The following ZNF557 variants were observed in gnomAD, a reference collection of about 807,000 sequenced individuals.
The protein encoded by ZNF557 is CTB-25J19.9.
In ZNF557, 19 loss-of-function variants were observed where a neutral mutation model predicts 21.2. The observed-to-expected ratio is 0.90, with a 90% CI of 0.63 to 1.32. The LOEUF is 1.32. Ranked by LOEUF, ZNF557 falls within the 40% of genes most tolerant of loss-of-function variation. ZNF557 has a pLI of 0.00. For missense variants in ZNF557, 487 were observed against 519.8 expected (o/e 0.94, Z 0.61); for synonymous variants, 207 against 194.8 (o/e 1.06, Z -0.52).
intron 4 of ZNF557, among the ~76,000 whole-genome samples, 182 bp from the exon 5 acceptor site, chr19:7,076,199 G>C (rs1320846170): frequency 6.6e-6 from 1 of 152,148 alleles, no homozygotes; most frequent in Non-Finnish European, 1.5e-5. Flanking sequence ...AAGGAGACAA[G>C]CATTGAGGGC....
At chr19:7,080,982 C>G (rs1977686576) in intron 5 of ZNF557, among the ~76,000 whole-genome samples, 1 of 152,174 alleles carries the variant, frequency 6.6e-6, no homozygotes, top group African/African-American at 2.4e-5. Flanking sequence ...CCCCCACCCT[C>G]ATGGAGCTGT....
At chr19:7,076,360 G>A (rs747188697) in intron 4 of ZNF557, 21 bp from the exon 5 acceptor site, 43 of 1,614,028 alleles carry the variant, frequency 2.7e-5, no homozygotes, top group East Asian at 6.7e-5. Context: ...TGGCTAAGCC[G>A]TGATGTTTGC....
rs532145017 is a variant in ZNF557, at chr19:7,087,835, A to G, written c.*4091A>G. 61 of 152,150 alleles carry G rather than the reference A, an allele frequency of 4.0e-4. No individual in the cohort carries two copies. The highest frequency in any genetic ancestry group is 1.3e-3 in the African/African-American group (56 of 41,510). 9.4% of individuals were successfully genotyped at this position (152,150 alleles called of 1,614,324 possible). A position where few individuals can be genotyped will look rare whatever the true frequency, so the allele number is the denominator to read the frequency against. ...ATTCTCTGAAAACAGTATACTATGT[A>G]TCTAATTTTTGGATACAGGATGGAC... On this transcript the variant is annotated 3_prime_UTR_variant, in exon 8 of 8. Coordinates refer to ENST00000252840, the MANE Select transcript of ZNF557 (RefSeq NM_024341.3).
chr19:7,070,943 T>C (rs1977445481), intron 2 of ZNF557, among the ~76,000 whole-genome samples: 1 of 152,066 alleles, frequency 6.6e-6, no homozygotes, highest in Non-Finnish European at 1.5e-5. Context: ...TTTTTGTATT[T>C]TTAGTAAAGA....
Position 7,072,465 on chromosome 19 carries a change from G to A in ZNF557, c.-80+1812G>A, listed in dbSNP as rs537326349. 1.5e-3 allele frequency among the ~76,000 whole-genome samples: 232 copies of A among 152,268 alleles called. 7 individuals are homozygous for A. The South Asian group carries it at 0.047, about 31-fold the overall frequency. On this transcript the variant is annotated intron_variant, in intron 2 of 7. Transcript: ENST00000252840. ...ATAAATTTGCTTTAGTCACTCGCCT[G>A]CCTGAAAAGCCTTTGCTGGCTCTCC...
chr19:7,081,352 A>G lies in ZNF557; in HGVS notation c.248-8A>G. On this transcript the variant is annotated splice_polypyrimidine_tract_variant and splice_region_variant and intron_variant, in intron 5 of 7. Coordinates refer to ENST00000252840, the MANE Select transcript of ZNF557 (RefSeq NM_024341.3). ...CCCCTACATCATGTGTCTTTTCTCC[A>G]TGTACAGGGAACCAAGTTGATAAAC... 2 of 1,605,610 alleles carry G rather than the reference A, an allele frequency of 1.2e-6. No homozygotes were observed. Among genetic ancestry groups the G allele is most frequent in the Non-Finnish European group, 1.7e-6 (2 of 1,172,460 alleles).
At chr19:7,074,491 C>T (rs1977533897) in intron 2 of ZNF557, among the ~76,000 whole-genome samples, 1 of 150,964 alleles carries the variant, frequency 6.6e-6, no homozygotes, top group Non-Finnish European at 1.5e-5. Flanking sequence ...TTAATGGGTG[C>T]ACTGTAATGC....
At position 7,083,805 on chromosome 19, in the gene ZNF557, C is replaced by CT; in HGVS notation, c.*62dup. 2 of 1,529,574 alleles carry CT rather than the reference C, an allele frequency of 1.3e-6. No homozygotes were observed. Among genetic ancestry groups the CT allele is most frequent in the Non-Finnish European group, 1.8e-6 (2 of 1,138,184 alleles). The allele number at this position is 1,529,574 out of a possible 1,614,324, so 94.8% of individuals were successfully genotyped here. On this transcript the variant is annotated 3_prime_UTR_variant, in exon 8 of 8. Coordinates refer to ENST00000252840, the MANE Select transcript of ZNF557 (RefSeq NM_024341.3). ...TCATGCCTCAGATAACATGAGCAAACTCTAACAAGATGTATGAATCACCTG... is the reference window on the plus strand; with the variant it reads ...TCATGCCTCAGATAACATGAGCAAACTTCTAACAAGATGTATGAATCACCTG...
intron 5 of ZNF557, among the ~76,000 whole-genome samples, chr19:7,079,152 C>T (rs1977640930): frequency 6.6e-6 from 1 of 151,874 alleles, no homozygotes; most frequent in South Asian, 2.1e-4. Flanking sequence ...GAAGTCGTTG[C>T]CTAATAAATC....
At chr19:7,071,129 T>G (rs1163538917) in intron 2 of ZNF557, among the ~76,000 whole-genome samples, 1 of 152,202 alleles carries the variant, frequency 6.6e-6, no homozygotes, top group Admixed American at 6.5e-5. Flanking sequence ...TGTGTGATAA[T>G]GTGTGTCAAA....
Position 7,083,141 on chromosome 19 carries a change from C to T in ZNF557, c.690C>T (p.His230=), listed in dbSNP as rs1977753495. ...RSYLTVHKRI[H]NGEKPYECSD... ...ACCTTACTGTTCATAAGAGAATCCACAATGGGGAGAAACCCTACGAATGCA... is the reference window on the plus strand; with the variant it reads ...ACCTTACTGTTCATAAGAGAATCCATAATGGGGAGAAACCCTACGAATGCA... The change falls in exon 8 of 8, where the codon CAC becomes CAT. Residue 230 remains histidine (H), a synonymous_variant. Coordinates refer to ENST00000252840, the MANE Select transcript of ZNF557 (RefSeq NM_024341.3). 5 of 1,614,046 alleles carry T rather than the reference C, an allele frequency of 3.1e-6. No individual in the cohort carries two copies. The highest frequency in any genetic ancestry group is 2.7e-5 in the African/African-American group (2 of 74,928).
Position 7,084,078 on chromosome 19 carries a change from C to G in ZNF557, c.*334C>G, listed in dbSNP as rs118095691. On this transcript the variant is annotated 3_prime_UTR_variant, in exon 8 of 8. Coordinates refer to ENST00000252840, the MANE Select transcript of ZNF557 (RefSeq NM_024341.3). Reference sequence around the variant, plus strand: ...GCTAGCTGTTTCCAAGGGAGCTGCGCTTCCAAATCACGTAGGCCTCTCAAC... The same window carrying G: ...GCTAGCTGTTTCCAAGGGAGCTGCGGTTCCAAATCACGTAGGCCTCTCAAC... 0.12 allele frequency: 28,777 copies of G among 231,214 alleles called. 2,069 individuals are homozygous for G. Among genetic ancestry groups the G allele is most frequent in the Non-Finnish European group, 0.16 (18,626 of 117,024 alleles). 14.3% of individuals were successfully genotyped at this position (231,214 alleles called of 1,614,324 possible).
At chr19:7,074,388 T>C (rs1977530377) in intron 2 of ZNF557, among the ~76,000 whole-genome samples, 1 of 150,294 alleles carries the variant, frequency 6.7e-6, no homozygotes, top group Admixed American at 6.7e-5. Context: ...AAAGGAAACA[T>C]TCCATATATG....
chr19:7,079,094 G>A (rs1977639589), intron 5 of ZNF557, among the ~76,000 whole-genome samples: 1 of 151,616 alleles, frequency 6.6e-6, no homozygotes, highest in Non-Finnish European at 1.5e-5. Flanking sequence ...TTAGTTCTTT[G>A]TACACAGTTT....
chr19:7,078,357 C>A (rs1977626302), intron 5 of ZNF557, among the ~76,000 whole-genome samples: 1 of 151,478 alleles, frequency 6.6e-6, no homozygotes, highest in South Asian at 2.1e-4. Flanking sequence ...ATTGGGAGAT[C>A]CTTGAGCTGC....
chr19:7,083,378 G>A lies in ZNF557; in HGVS notation c.927G>A (p.Ser309=), dbSNP rs538303165. Reference sequence around the variant, plus strand: ...TCGGCACGAGGTCATCTCTTTCTTCGCACTATAGCATTCATACAGGGGAGT... The same window carrying A: ...TCGGCACGAGGTCATCTCTTTCTTCACACTATAGCATTCATACAGGGGAGT... The part of the protein sequence containing the change: ...KAFGTRSSLS[S]HYSIHTGEYP... Residue 309 remains serine, a synonymous_variant, in exon 8 of 8, where the codon TCG becomes TCA. Transcript: ENST00000252840. The A allele has an allele frequency of 7.5e-5, 121 of 1,614,092 alleles. No individual in the cohort carries two copies. The highest frequency in any genetic ancestry group is 8.9e-5 in the East Asian group (4 of 44,868).
At chr19:7,074,793 AG>A (rs1230317762) in intron 2 of ZNF557, among the ~76,000 whole-genome samples, 1 of 20,494 alleles carries the variant, frequency 4.9e-5, no homozygotes, top group Non-Finnish European at 8.5e-5. Flanking sequence ...CACGGACTGG[AG>A]GGGGGGTGTG....
At chr19:7,073,734 A>G (rs1483569257) in intron 2 of ZNF557, among the ~76,000 whole-genome samples, 3 of 152,070 alleles carry the variant, frequency 2.0e-5, no homozygotes, top group Admixed American at 6.5e-5. Flanking sequence ...TCCTCTCCCA[A>G]TCCTTCTCTC....
Position 7,075,124 on chromosome 19 carries a change from G to A in ZNF557, c.31+19G>A, listed in dbSNP as rs1363485325. On this transcript the variant is annotated intron_variant, in intron 3 of 7. Transcript: ENST00000252840. Reference sequence around the variant, plus strand: ...ACTGCCGGTGAGTCATGGGGTCCTGGCAGTTCTCAGAGTCCAGGCTTGAAA... The same window carrying A: ...ACTGCCGGTGAGTCATGGGGTCCTGACAGTTCTCAGAGTCCAGGCTTGAAA... 6.2e-7 allele frequency: 1 copy of A among 1,614,020 alleles called. No homozygotes were observed. Among genetic ancestry groups the A allele is most frequent in the East Asian group, 2.2e-5 (1 of 44,866 alleles).
Sources: gnomAD v4.1 joint callset for allele counts (sites outside exome capture counted in the v4.1 genomes callset) on GRCh38, gnomAD v4.1.1 for gene constraint, MANE v1.5 for transcripts, NCBI Gene and HGNC (gene_info 2026-07-23, HGNC 2026-07-21) for gene names.